Variants in AGTPBP1 observed in about 807,000 individuals in gnomAD.
AGTPBP1 encodes the protein ATP/GTP binding carboxypeptidase 1.
Under a neutral mutation model 143.9 loss-of-function variants are expected in AGTPBP1, and 70 were observed. The ratio of observed to expected loss-of-function variants is 0.49; its 90% CI spans 0.40 to 0.59. The LOEUF is 0.59. AGTPBP1 is among the 20% of genes least tolerant of loss of function. AGTPBP1 has a pLI of 0.00. For synonymous variants in AGTPBP1, 463 were observed against 500.2 expected (o/e 0.93, Z 0.99); for missense variants, 1,229 against 1,464.5 (o/e 0.84, Z 2.62).
intron 25 of AGTPBP1, among the ~76,000 whole-genome samples, chr9:85,563,626 A>AT (rs1342148875): frequency 1.2e-4 from 18 of 152,340 alleles, no homozygotes; most frequent in South Asian, 6.2e-4. Context: ...TCTATATTGT[A>AT]ACAAACGAGA....
At chr9:85,692,922 AT>A in intron 2 of AGTPBP1, 109 bp from the exon 3 acceptor site, 1 of 1,267,896 alleles carries the variant, frequency 7.9e-7, no homozygotes, top group Non-Finnish European at 1.1e-6. Flanking sequence ...AACAGAAAGC[AT>A]TTACACGTCG....
intron 1 of AGTPBP1, among the ~76,000 whole-genome samples, chr9:85,717,864 T>C (rs1351087517): frequency 2.0e-5 from 3 of 152,014 alleles, no homozygotes; most frequent in East Asian, 3.9e-4. Flanking sequence ...GAGTGTGATG[T>C]TCCCCGCCCT....
At chr9:85,766,523 A>G in the AGTPBP1 span, among the ~76,000 whole-genome samples, 2 of 152,204 alleles carry the variant, frequency 1.3e-5, no homozygotes, top group East Asian at 1.9e-4. Context: ...GTGGGATCCC[A>G]TAACAAAAAA....
intron 1 of AGTPBP1, among the ~76,000 whole-genome samples, chr9:85,730,385 C>T (rs1051197553): frequency 3.9e-5 from 6 of 152,106 alleles, no homozygotes; most frequent in East Asian, 1.9e-4. Context: ...TGTCAGTAGA[C>T]GGCTCTGGAA....
chr9:85,751,017 C>G, the AGTPBP1 span, among the ~76,000 whole-genome samples: 1 of 152,230 alleles, frequency 6.6e-6, no homozygotes, highest in Non-Finnish European at 1.5e-5. Context: ...TCGTACCTCT[C>G]TGCTCTTTCA....
At chr9:85,626,750 C>T (rs1831323223) in intron 14 of AGTPBP1, among the ~76,000 whole-genome samples, 1 of 152,218 alleles carries the variant, frequency 6.6e-6, no homozygotes, top group African/African-American at 2.4e-5. Flanking sequence ...GCCATGGTAG[C>T]ACAAAAACAG....
chr9:85,677,703 C>A, intron 5 of AGTPBP1, 121 bp from the exon 6 acceptor site: 1 of 842,688 alleles, frequency 1.2e-6, no homozygotes, highest in East Asian at 3.0e-5. Context: ...CTGATGACCT[C>A]TAAAATCAAA....
chr9:85,550,079 C>T lies in AGTPBP1; in HGVS notation c.3504-2793G>A, dbSNP rs1186612842. 2.6e-5 allele frequency among the ~76,000 whole-genome samples: 4 copies of T among 152,096 alleles called. No individual in the cohort carries two copies. The East Asian group carries it at 7.7e-4, about 29-fold the overall frequency. ...GCACACATCGAGCTATTGTGATGGG[C>T]CCACCAGTGCTAGCTCGGGCACATT... is the stretch of plus-strand genomic sequence containing the variant. On this transcript the variant is annotated intron_variant, in intron 25 of 25. Transcript: ENST00000357081.
chr9:85,560,032 C>T (rs1826601998), intron 25 of AGTPBP1, among the ~76,000 whole-genome samples: 1 of 152,190 alleles, frequency 6.6e-6, no homozygotes, highest in Non-Finnish European at 1.5e-5. Flanking sequence ...GACACAGACA[C>T]TGGCTGGGGT....
chr9:85,627,672 T>C (rs981000737), intron 14 of AGTPBP1, among the ~76,000 whole-genome samples: 1 of 152,186 alleles, frequency 6.6e-6, no homozygotes, highest in Non-Finnish European at 1.5e-5. Flanking sequence ...TTGCCCCTGC[T>C]GAGACAGGCA....
chr9:85,582,206 G>C (rs550036607), intron 23 of AGTPBP1, among the ~76,000 whole-genome samples: 1 of 152,238 alleles, frequency 6.6e-6, no homozygotes, highest in South Asian at 2.1e-4. Flanking sequence ...ACTATTGATA[G>C]ACCTTATTCA....
chr9:85,601,119 G>A (rs1829640674), intron 17 of AGTPBP1, among the ~76,000 whole-genome samples: 1 of 152,080 alleles, frequency 6.6e-6, no homozygotes, highest in Non-Finnish European at 1.5e-5. Context: ...GCTGTCGCCT[G>A]GGGCTGAGGC....
chr9:85,586,510 G>C (rs1828619783), intron 22 of AGTPBP1, among the ~76,000 whole-genome samples: 1 of 152,108 alleles, frequency 6.6e-6, no homozygotes, highest in South Asian at 2.1e-4. Context: ...GTGTAGTAGA[G>C]ACTTAACAGC....
At chr9:85,769,643 T>C in the AGTPBP1 span, among the ~76,000 whole-genome samples, 4 of 152,148 alleles carry the variant, frequency 2.6e-5, no homozygotes, top group Admixed American at 2.6e-4. Context: ...ATTTTCCTTC[T>C]AATAACATTT....
chr9:85,673,896 G>T (rs1470114609), intron 6 of AGTPBP1, among the ~76,000 whole-genome samples: 1 of 151,952 alleles, frequency 6.6e-6, no homozygotes, highest in African/African-American at 2.4e-5. Flanking sequence ...TGAGGTGGGT[G>T]GATCATGAGG....
the AGTPBP1 span, among the ~76,000 whole-genome samples, chr9:85,750,057 T>A: frequency 6.6e-6 from 1 of 152,070 alleles, no homozygotes; most frequent in Non-Finnish European, 1.5e-5. Flanking sequence ...AATTTTTTTG[T>A]CTTTTTAATA....
chr9:85,572,020 T>TG (rs1564019750), intron 25 of AGTPBP1, among the ~76,000 whole-genome samples: 2 of 67,106 alleles, frequency 3.0e-5, no homozygotes, highest in Non-Finnish European at 4.8e-5. Context: ...TTTTTTTTTT[T>TG]TTTTTTTTTT....
chr9:85,577,226 C>T (rs1827952501), intron 24 of AGTPBP1, among the ~76,000 whole-genome samples: 1 of 152,196 alleles, frequency 6.6e-6, no homozygotes, highest in South Asian at 2.1e-4. Context: ...GTCCCGACAG[C>T]TTCTTTCCCC....
intron 6 of AGTPBP1, 51 bp from the exon 7 acceptor site, chr9:85,672,732 ATTTTTTT>A (rs35158140): frequency 4.3e-6 from 4 of 919,568 alleles, no homozygotes; most frequent in Admixed American, 3.5e-5. Context: ...TTTCTTTTTA[ATTTTTTT>A]TTTTTTTTTT....
Sources: gnomAD v4.1 joint callset for allele counts (sites outside exome capture counted in the v4.1 genomes callset) on GRCh38, gnomAD v4.1.1 for gene constraint, MANE v1.5 for transcripts, NCBI Gene and HGNC (gene_info 2026-07-23, HGNC 2026-07-21) for gene names.